CAST: variants seen among roughly 807,000 people sequenced by gnomAD.
CAST encodes the protein calpastatin.
A neutral mutation model predicts 119.6 loss-of-function variants in CAST; 76 were observed. The observed-to-expected ratio is 0.64, with a 90% CI of 0.53 to 0.77. CAST has a LOEUF of 0.77. Ranked by LOEUF, CAST falls within the 30% of genes least tolerant of loss-of-function variation. The probability of loss-of-function intolerance (pLI) is 0.00; values close to 1 mark genes in which losing one functional copy is unlikely to be tolerated. For missense variants in CAST, 953 were observed against 946.5 expected, an observed-to-expected ratio of 1.01 and a Z score of -0.09; for synonymous variants, 319 against 331.6, an observed-to-expected ratio of 0.96 and a Z score of 0.41.
At chr5:96,531,096 A>G (rs145427288) in intron 1 of CAST, among the ~76,000 whole-genome samples, 75 of 152,246 alleles carry the variant, frequency 4.9e-4, no homozygotes, top group African/African-American at 1.6e-3. Flanking sequence ...CCCCACTGCA[A>G]ATAATTTTTT....
At chr5:96,547,628 C>T (rs547964256) in intron 1 of CAST, among the ~76,000 whole-genome samples, 14 of 152,336 alleles carry the variant, frequency 9.2e-5, no homozygotes, top group African/African-American at 3.4e-4. Flanking sequence ...GCCTTGACAA[C>T]TTTTAACTCG....
the CAST span, among the ~76,000 whole-genome samples, chr5:96,212,649 G>C: frequency 6.6e-6 from 1 of 152,124 alleles, no homozygotes; most frequent in Non-Finnish European, 1.5e-5. Flanking sequence ...TTTCTGCCTA[G>C]TTATTATATC....
chr5:96,083,693 T>G, the CAST span, among the ~76,000 whole-genome samples: 1 of 152,116 alleles, frequency 6.6e-6, no homozygotes, highest in Non-Finnish European at 1.5e-5. Flanking sequence ...AAGTAGGAGG[T>G]CTGGAGGGCA....
intron 3 of CAST, among the ~76,000 whole-genome samples, chr5:96,698,300 G>A (rs1753530741): frequency 6.6e-6 from 1 of 152,198 alleles, no homozygotes; most frequent in Admixed American, 6.5e-5. Flanking sequence ...AGAGCTGGGA[G>A]GGGCAGGGCA....
At chr5:96,245,956 G>A in the CAST span, among the ~76,000 whole-genome samples, 2 of 152,098 alleles carry the variant, frequency 1.3e-5, no homozygotes, top group Admixed American at 1.3e-4. Flanking sequence ...GTGTATCCCA[G>A]AAGCAGCACC....
the CAST span, among the ~76,000 whole-genome samples, chr5:96,483,137 C>T: frequency 0.71 from 107,568 of 152,078 alleles, 38,516 homozygotes; most frequent in African/African-American, 0.81. Flanking sequence ...AAAATATGGG[C>T]CAAGCTAGTA....
chr5:96,107,364 G>A, the CAST span, among the ~76,000 whole-genome samples: 1 of 152,156 alleles, frequency 6.6e-6, no homozygotes, highest in South Asian at 2.1e-4. Context: ...GCTGGTGCCA[G>A]TTGTTCCTTT....
At chr5:96,076,508 TA>T in the CAST span, among the ~76,000 whole-genome samples, 1 of 152,088 alleles carries the variant, frequency 6.6e-6, no homozygotes, top group South Asian at 2.1e-4. Flanking sequence ...TGCGTGTAAA[TA>T]AAAAACAATG....
At chr5:96,485,520 G>A in the CAST span, among the ~76,000 whole-genome samples, 1 of 152,126 alleles carries the variant, frequency 6.6e-6, no homozygotes, top group Non-Finnish European at 1.5e-5. Context: ...AAAGAAGAGA[G>A]TAACAAGGCA....
the CAST span, among the ~76,000 whole-genome samples, chr5:96,445,335 G>A: frequency 6.6e-6 from 1 of 152,190 alleles, no homozygotes; most frequent in Non-Finnish European, 1.5e-5. Context: ...CGCAGGCTGA[G>A]GTGGGAGGAT....
the CAST span, among the ~76,000 whole-genome samples, chr5:96,357,711 C>T: frequency 1.3e-5 from 2 of 152,024 alleles, no homozygotes; most frequent in African/African-American, 2.4e-5. Context: ...AGCTTTTTGT[C>T]GTGCTGCTAG....
the CAST span, among the ~76,000 whole-genome samples, chr5:96,187,275 A>G: frequency 1.3e-5 from 2 of 151,034 alleles, no homozygotes; most frequent in Admixed American, 6.6e-5. Context: ...AGTCTATTCT[A>G]TTAATTTTTT....
At chr5:96,693,568 A>G (rs1204919709) in intron 2 of CAST, among the ~76,000 whole-genome samples, 1 of 152,252 alleles carries the variant, frequency 6.6e-6, no homozygotes, top group Non-Finnish European at 1.5e-5. Flanking sequence ...CACATTGAAA[A>G]CAGACCTAAC....
the CAST span, among the ~76,000 whole-genome samples, chr5:96,422,817 T>A: frequency 6.6e-6 from 1 of 152,234 alleles, no homozygotes; most frequent in Admixed American, 6.5e-5. Flanking sequence ...TTTATTTATT[T>A]TCCCATTTCT....
At chr5:96,380,764 A>G in the CAST span, among the ~76,000 whole-genome samples, 6 of 152,216 alleles carry the variant, frequency 3.9e-5, no homozygotes, top group Non-Finnish European at 8.8e-5. Flanking sequence ...TGCATTTTAA[A>G]AAATTATTGT....
chr5:96,283,896 G>T, the CAST span, among the ~76,000 whole-genome samples: 1 of 152,186 alleles, frequency 6.6e-6, no homozygotes, highest in African/African-American at 2.4e-5. Context: ...TTTATGGTCT[G>T]CTCAGCATTT....
At chr5:96,627,967 T>C (rs1025385411) in intron 1 of CAST, among the ~76,000 whole-genome samples, 17 of 152,254 alleles carry the variant, frequency 1.1e-4, no homozygotes, top group African/African-American at 3.9e-4. Context: ...GCTCCGTTGA[T>C]TGACATCTGT....
At chr5:96,395,156 C>T in the CAST span, 4 of 764,296 alleles carry the variant, frequency 5.2e-6, no homozygotes, top group Non-Finnish European at 9.0e-6. Flanking sequence ...GTGAAAGAAA[C>T]CATTGGATCC....
chr5:96,002,819 T>A, the CAST span, among the ~76,000 whole-genome samples: 6 of 152,264 alleles, frequency 3.9e-5, no homozygotes, highest in Non-Finnish European at 7.3e-5. Context: ...TTTGCAATAT[T>A]TATTTATGTT....
Sources: gnomAD v4.1 joint callset for allele counts (sites outside exome capture counted in the v4.1 genomes callset) on GRCh38, gnomAD v4.1.1 for gene constraint, MANE v1.5 for transcripts, NCBI Gene and HGNC (gene_info 2026-07-23, HGNC 2026-07-21) for gene names.